The following SLC44A1 variants were observed in gnomAD, a reference collection of about 807,000 sequenced individuals.
SLC44A1 encodes choline transporter-like protein 1.
In SLC44A1, 26 loss-of-function variants were observed where a neutral mutation model predicts 79.3. The ratio of observed to expected loss-of-function variants is 0.33; its 90% CI spans 0.24 to 0.46. The LOEUF is 0.46. SLC44A1 is among the 20% of genes least tolerant of loss of function. The pLI, the probability that SLC44A1 is intolerant of heterozygous loss-of-function variation, is 1.00. For missense variants in SLC44A1, 688 were observed against 798.1 expected (o/e 0.86, Z 1.66); for synonymous variants, 263 against 286.2 (o/e 0.92, Z 0.82).
At chr9:105,310,427 G>C (rs2131310390) in intron 3 of SLC44A1, among the ~76,000 whole-genome samples, 1 of 151,988 alleles carries the variant, frequency 6.6e-6, no homozygotes, top group East Asian at 1.9e-4. Flanking sequence ...TCTTCAAAAG[G>C]GCTATCATTT....
chr9:105,308,939 A>G (rs905053821), intron 2 of SLC44A1, among the ~76,000 whole-genome samples: 1 of 152,192 alleles, frequency 6.6e-6, no homozygotes, highest in African/African-American at 2.4e-5. Flanking sequence ...TGCTTGACTT[A>G]GCAAGCATGA....
downstream of SLC44A1, among the ~76,000 whole-genome samples, chr9:105,399,036 C>T (rs187677887): frequency 6.4e-4 from 97 of 151,840 alleles, 3 homozygotes; most frequent in Admixed American, 5.6e-3. Flanking sequence ...TCTCGCGGGC[C>T]GTGGGTTGGA....
chr9:105,425,208 C>G (rs569738312), intron 15 of SLC44A1, among the ~76,000 whole-genome samples: 1 of 152,226 alleles, frequency 6.6e-6, no homozygotes, highest in African/African-American at 2.4e-5. Flanking sequence ...TTTTTGGTGA[C>G]TAAATGGCAT....
intron 1 of SLC44A1, among the ~76,000 whole-genome samples, chr9:105,273,164 G>C (rs2079390575): frequency 6.6e-6 from 1 of 151,888 alleles, no homozygotes; most frequent in Admixed American, 6.6e-5. Flanking sequence ...GCTAATTTTT[G>C]TGTTTTTAGT....
chr9:105,255,498 T>A (rs1428266820), intron 1 of SLC44A1, among the ~76,000 whole-genome samples: 1 of 152,050 alleles, frequency 6.6e-6, no homozygotes, highest in Non-Finnish European at 1.5e-5. Context: ...TTATTTATAA[T>A]GGCAAAAAGT....
chr9:105,433,576 G>T (rs746468598), intron 15 of SLC44A1, among the ~76,000 whole-genome samples: 2 of 151,942 alleles, frequency 1.3e-5, no homozygotes, highest in African/African-American at 2.4e-5. Context: ...AAGTCAGGGG[G>T]ATTAAGATAC....
At chr9:105,327,332 G>T (rs967403852) in intron 3 of SLC44A1, among the ~76,000 whole-genome samples, 1 of 152,074 alleles carries the variant, frequency 6.6e-6, no homozygotes, top group African/African-American at 2.4e-5. Flanking sequence ...ACCCAGGCTG[G>T]AGTACAGTGG....
intron 15 of SLC44A1, chr9:105,386,046 A>T: frequency 2.0e-6 from 2 of 985,390 alleles, no homozygotes; most frequent in Non-Finnish European, 2.4e-6. Context: ...TCAGTAGCAA[A>T]CAAGGCTGTT....
downstream of SLC44A1, among the ~76,000 whole-genome samples, chr9:105,401,679 A>G (rs1336975144): frequency 1.3e-5 from 2 of 152,202 alleles, no homozygotes; most frequent in African/African-American, 4.8e-5. Flanking sequence ...AGGGAGATGC[A>G]CGTCTCACAT....
At position 105,351,632 on chromosome 9, in the gene SLC44A1, G is replaced by GAGAAAGAAAGAAAGAAAGAAAGAAAGAA. The variant is rs55635937; in HGVS notation, c.500+3198_500+3225dup. Among the ~76,000 whole-genome samples the GAGAAAGAAAGAAAGAAAGAAAGAAAGAA allele has an allele frequency of 2.7e-3, 276 of 101,370 alleles. 7 individuals carry two copies. Among genetic ancestry groups the GAGAAAGAAAGAAAGAAAGAAAGAAAGAA allele is most frequent in the East Asian group, 3.5e-3 (14 of 3,990 alleles). The allele number at this position is 101,370 out of a possible 152,430, so 66.5% of individuals were successfully genotyped here. A position where few individuals can be genotyped will look rare whatever the true frequency, so the allele number is the denominator to read the frequency against. Reference sequence around the variant, plus strand: ...AAAGAAAGAAAGAAAGAGAGAGAAAGAGAAAGAAAGAAAGAAAGAAAGAAA... The same window carrying GAGAAAGAAAGAAAGAAAGAAAGAAAGAA: ...AAAGAAAGAAAGAAAGAGAGAGAAAGAGAAAGAAAGAAAGAAAGAAAGAAAGAAAGAAAGAAAGAAAGAAAGAAAGAAA... On this transcript the variant is annotated intron_variant, in intron 5 of 15. Coordinates refer to ENST00000374720, the MANE Select transcript of SLC44A1 (RefSeq NM_080546.5).
In SLC44A1 at chr9:105,390,659, T is replaced by C; in HGVS notation, c.*1603T>C. 1.0e-6 allele frequency: 1 copy of C among 985,656 alleles called. No homozygotes were observed. Among genetic ancestry groups the C allele is most frequent in the Non-Finnish European group, 1.2e-6 (1 of 829,784 alleles). The allele number at this position is 985,656 out of a possible 1,614,324, so 61.1% of individuals were successfully genotyped here. ...GCAAAAGGTAAATTGTATTTTTTTTTAAGTATTGGTGTTCTTTACTCTAGC... is the reference window on the plus strand; with the variant it reads ...GCAAAAGGTAAATTGTATTTTTTTTCAAGTATTGGTGTTCTTTACTCTAGC... On this transcript the variant is annotated 3_prime_UTR_variant, in exon 16 of 16. Transcript: ENST00000374720.
intron 1 of SLC44A1, among the ~76,000 whole-genome samples, chr9:105,282,631 C>A (rs1470277394): frequency 6.6e-6 from 1 of 152,108 alleles, no homozygotes; most frequent in African/African-American, 2.4e-5. Flanking sequence ...TCACTGCAAC[C>A]ACCGCCTCCT....
chr9:105,336,089 A>G (rs1044007019), intron 4 of SLC44A1, among the ~76,000 whole-genome samples: 3 of 151,970 alleles, frequency 2.0e-5, no homozygotes, highest in Non-Finnish European at 4.4e-5. Flanking sequence ...AATAAGTTTT[A>G]TATGTTGAAA....
At chr9:105,327,078 A>G (rs1161281478) in intron 3 of SLC44A1, among the ~76,000 whole-genome samples, 1 of 152,212 alleles carries the variant, frequency 6.6e-6, no homozygotes, top group Non-Finnish European at 1.5e-5. Flanking sequence ...ATAATCAGTC[A>G]TAAAGTTTTC....
At chr9:105,303,978 A>G (rs1830950369) in intron 2 of SLC44A1, among the ~76,000 whole-genome samples, 1 of 152,194 alleles carries the variant, frequency 6.6e-6, no homozygotes, top group Non-Finnish European at 1.5e-5. Context: ...GGTGCCACCA[A>G]TGGAGATAGA....
chr9:105,394,635 A>G lies in SLC44A1; in HGVS notation c.*5579A>G, dbSNP rs1828840173. On this transcript the variant is annotated 3_prime_UTR_variant, in exon 16 of 16. Coordinates refer to ENST00000374720, the MANE Select transcript of SLC44A1 (RefSeq NM_080546.5). ...TTATGACATTATGTGGCTTAGTGTTATCAGTATACTACTGTCTTAAAATAT... is the reference window on the plus strand; with the variant it reads ...TTATGACATTATGTGGCTTAGTGTTGTCAGTATACTACTGTCTTAAAATAT... 1.0e-6 allele frequency: 1 copy of G among 985,356 alleles called. No homozygotes were observed. Among genetic ancestry groups the G allele is most frequent in the East Asian group, 1.1e-4 (1 of 8,822 alleles). The allele number at this position is 985,356 out of a possible 1,614,324, so 61.0% of individuals were successfully genotyped here.
chr9:105,429,818 G>A (rs950509484), intron 15 of SLC44A1, among the ~76,000 whole-genome samples: 5 of 145,276 alleles, frequency 3.4e-5, no homozygotes, highest in Admixed American at 2.0e-4. Context: ...GAAATTTGGT[G>A]TGATCTCAAT....
At chr9:105,311,303 C>T (rs541509104) in intron 3 of SLC44A1, among the ~76,000 whole-genome samples, 1 of 152,052 alleles carries the variant, frequency 6.6e-6, no homozygotes, top group South Asian at 2.1e-4. Context: ...TTATTTAACT[C>T]TTTAATGCTG....
At chr9:105,368,760 A>G (rs750983039) in intron 12 of SLC44A1, among the ~76,000 whole-genome samples, 2 of 152,100 alleles carry the variant, frequency 1.3e-5, no homozygotes, top group Non-Finnish European at 2.9e-5. Context: ...TATTGAGGTC[A>G]GGCACGGTGG....
Sources: gnomAD v4.1 joint callset for allele counts (sites outside exome capture counted in the v4.1 genomes callset) on GRCh38, gnomAD v4.1.1 for gene constraint, MANE v1.5 for transcripts, NCBI Gene and HGNC (gene_info 2026-07-23, HGNC 2026-07-21) for gene names.